The following FUT8 variants were observed in gnomAD, a reference collection of about 807,000 sequenced individuals.
FUT8 encodes fucosyltransferase 8.
FUT8 carries 29 observed loss-of-function variants against 71.3 expected under a neutral mutation model. The ratio of observed to expected loss-of-function variants is 0.41; its 90% CI spans 0.30 to 0.55. The LOEUF (loss-of-function observed/expected upper bound fraction) is 0.55. Ranked by LOEUF, FUT8 falls within the 20% of genes least tolerant of loss-of-function variation. The pLI, the probability that FUT8 is intolerant of heterozygous loss-of-function variation, is 0.34. For missense variants in FUT8, 544 were observed against 702.1 expected (o/e 0.77, Z 2.55); for synonymous variants, 254 against 239.3 (o/e 1.06, Z -0.57).
chr14:65,625,219 G>A (rs368736248), intron 5 of FUT8, among the ~76,000 whole-genome samples: 1 of 152,100 alleles, frequency 6.6e-6, no homozygotes, highest in Non-Finnish European at 1.5e-5. Flanking sequence ...AGTGTGATGA[G>A]GGTGATGGGA....
chr14:65,699,335 C>T (rs546025271), intron 7 of FUT8, among the ~76,000 whole-genome samples: 17 of 152,304 alleles, frequency 1.1e-4, no homozygotes, highest in Admixed American at 9.2e-4. Flanking sequence ...ACTCTGGAGT[C>T]TGACTGGTCT....
chr14:65,626,346 A>G (rs1889894900), intron 5 of FUT8, among the ~76,000 whole-genome samples: 1 of 152,206 alleles, frequency 6.6e-6, no homozygotes, highest in Non-Finnish European at 1.5e-5. Flanking sequence ...AGGACACAAA[A>G]TTAGTAGGAG....
At chr14:65,416,471 A>G (rs2065220708) in intron 1 of FUT8, among the ~76,000 whole-genome samples, 1 of 152,024 alleles carries the variant, frequency 6.6e-6, no homozygotes, top group Non-Finnish European at 1.5e-5. Flanking sequence ...GTACTTTTGT[A>G]CCCTGCATCA....
chr14:65,647,275 A>G (rs750305642), intron 6 of FUT8, among the ~76,000 whole-genome samples: 1 of 152,170 alleles, frequency 6.6e-6, no homozygotes, highest in Non-Finnish European at 1.5e-5. Context: ...CTAGTATGTT[A>G]AAGTACATTA....
chr14:65,576,696 C>CCTTTTTTT (rs1886794034), intron 3 of FUT8, among the ~76,000 whole-genome samples: 1 of 96,220 alleles, frequency 1.0e-5, no homozygotes, highest in African/African-American at 6.3e-5. Flanking sequence ...GCCCAGCTTG[C>CCTTTTTTT]TTTTTTTTTT....
intron 10 of FUT8, among the ~76,000 whole-genome samples, chr14:65,741,430 C>T (rs1200430754): frequency 3.3e-5 from 5 of 151,764 alleles, no homozygotes; most frequent in African/African-American, 1.2e-4. Context: ...GTTCTGGGAG[C>T]GGGGAGGGAT....
chr14:65,740,139 C>G (rs1272161748), intron 10 of FUT8, among the ~76,000 whole-genome samples: 2 of 151,934 alleles, frequency 1.3e-5, no homozygotes, highest in African/African-American at 2.4e-5. Flanking sequence ...TTATTATAGT[C>G]TCGGTATTCT....
chr14:65,492,875 A>G (rs1223700941), intron 2 of FUT8, among the ~76,000 whole-genome samples: 1 of 152,060 alleles, frequency 6.6e-6, no homozygotes, highest in African/African-American at 2.4e-5. Context: ...ACAAGTGGCA[A>G]AGTAGGAATT....
the FUT8 span, among the ~76,000 whole-genome samples, chr14:65,367,099 G>C: frequency 6.6e-6 from 1 of 152,204 alleles, no homozygotes; most frequent in Non-Finnish European, 1.5e-5. Flanking sequence ...GGCCAGAGGG[G>C]TTGGTGGTGG....
chr14:65,522,418 T>C (rs548933831), intron 2 of FUT8, among the ~76,000 whole-genome samples: 10 of 152,254 alleles, frequency 6.6e-5, no homozygotes, highest in Admixed American at 2.6e-4. Flanking sequence ...TGTTCTTGGG[T>C]TCTATAAAAA....
intron 2 of FUT8, among the ~76,000 whole-genome samples, chr14:65,479,082 CA>C (rs1398949399): frequency 6.6e-6 from 1 of 152,130 alleles, no homozygotes; most frequent in African/African-American, 2.4e-5. Context: ...GCCAGGCTCA[CA>C]AAAGTTGCTA....
intron 2 of FUT8, among the ~76,000 whole-genome samples, chr14:65,533,627 A>G (rs1305153477): frequency 6.7e-6 from 1 of 150,200 alleles, no homozygotes; most frequent in Non-Finnish European, 1.5e-5. Context: ...TATGCCCTTT[A>G]TTTTTTTTTC....
At chr14:65,586,813 C>A (rs985553697) in intron 3 of FUT8, among the ~76,000 whole-genome samples, 4 of 152,194 alleles carry the variant, frequency 2.6e-5, no homozygotes, top group African/African-American at 9.6e-5. Flanking sequence ...ATAATTTCCT[C>A]TAATTTTGTA....
the FUT8 span, among the ~76,000 whole-genome samples, chr14:65,358,810 TTG>T: frequency 2.0e-5 from 3 of 152,198 alleles, no homozygotes; most frequent in Non-Finnish European, 4.4e-5. Context: ...CTGCTGTTAT[TTG>T]TGTTTTTTTG....
upstream of FUT8, among the ~76,000 whole-genome samples, chr14:65,406,255 AT>A (rs2065088464): frequency 6.6e-6 from 1 of 152,192 alleles, no homozygotes; most frequent in Non-Finnish European, 1.5e-5. Context: ...TGAGTCATTT[AT>A]TTTATACAAC....
intron 1 of FUT8, among the ~76,000 whole-genome samples, chr14:65,420,572 T>C (rs1341103005): frequency 6.6e-6 from 1 of 151,966 alleles, no homozygotes; most frequent in Non-Finnish European, 1.5e-5. Context: ...CTGTTTCTGC[T>C]TGTAAATGCA....
chr14:65,427,367 A>G (rs527828551), intron 1 of FUT8, among the ~76,000 whole-genome samples: 18 of 152,318 alleles, frequency 1.2e-4, no homozygotes, highest in African/African-American at 4.3e-4. Flanking sequence ...AGGAACCTCC[A>G]CACTGTTCTT....
At chr14:65,548,699 C>G (rs995091496) in intron 2 of FUT8, among the ~76,000 whole-genome samples, 1 of 151,228 alleles carries the variant, frequency 6.6e-6, no homozygotes, top group Non-Finnish European at 1.5e-5. Flanking sequence ...AAACCACAGT[C>G]TATAAAAGAA....
chr14:65,543,769 A>C lies in FUT8; in HGVS notation c.-227-17568A>C, dbSNP rs185029780. ...AGGAAGATGTGCAGGTCTTCAGGGGAGATGACTGTCAGTGGTTTCCTCTCT... is the reference window on the plus strand; with the variant it reads ...AGGAAGATGTGCAGGTCTTCAGGGGCGATGACTGTCAGTGGTTTCCTCTCT... On this transcript the variant is annotated intron_variant, in intron 2 of 10. Coordinates refer to ENST00000673929, the MANE Select transcript of FUT8 (RefSeq NM_001371533.1). 1.2e-4 allele frequency among the ~76,000 whole-genome samples: 18 copies of C among 152,170 alleles called. No homozygotes were observed. In the East Asian group the frequency reaches 3.5e-3, roughly 29 times the overall value.
Sources: allele counts gnomAD v4.1 joint callset (sites outside exome capture counted in the v4.1 genomes callset), GRCh38; gene constraint gnomAD v4.1.1; transcripts MANE v1.5; gene names NCBI Gene and HGNC (gene_info 2026-07-23, HGNC 2026-07-21).